GTF2I: variants seen among roughly 807,000 people sequenced by gnomAD.
GTF2I encodes the protein general transcription factor IIi.
Under a neutral mutation model 67.6 loss-of-function variants are expected in GTF2I, and 12 were observed. That is an observed-to-expected ratio of 0.18 (90% CI 0.11 to 0.29). GTF2I has a LOEUF of 0.29. GTF2I is among the 10% of genes least tolerant of loss of function. The probability of loss-of-function intolerance (pLI) is 1.00; values close to 1 mark genes in which losing one functional copy is unlikely to be tolerated. For synonymous variants in GTF2I, 149 were observed against 197.0 expected (o/e 0.76, Z 2.04); for missense variants, 271 against 580.1 (o/e 0.47, Z 5.47).
intron 1 of GTF2I, 153 bp from the exon 2 acceptor site, chr7:74,688,971 G>A (rs1435030292): frequency 1.7e-6 from 1 of 588,170 alleles, no homozygotes; most frequent in Non-Finnish European, 3.1e-6. Context: ...TGAGGGTTTG[G>A]GCAAGTCAAA....
At chr7:74,725,415 G>A (rs587757977) in intron 12 of GTF2I, among the ~76,000 whole-genome samples, 19 of 152,100 alleles carry the variant, frequency 1.2e-4, no homozygotes, top group East Asian at 3.9e-4. Flanking sequence ...AGCTGGGTGC[G>A]GTGGCTCACA....
At chr7:74,703,685 T>TTGAATATGAAGTCAATA (rs1554400480) in intron 6 of GTF2I, among the ~76,000 whole-genome samples, 2 of 152,212 alleles carry the variant, frequency 1.3e-5, no homozygotes, top group Non-Finnish European at 2.9e-5. Flanking sequence ...TGGCCCTCAC[T>TTGAATATGAAGTCAATA]TAAGCTTTTG....
chr7:74,721,684 C>T (rs1484507853), intron 12 of GTF2I, among the ~76,000 whole-genome samples: 2 of 151,970 alleles, frequency 1.3e-5, no homozygotes, highest in African/African-American at 4.8e-5. Context: ...TAATGTGTAT[C>T]ATATATTCTT....
chr7:74,713,840 A>T (rs587616853), intron 9 of GTF2I, among the ~76,000 whole-genome samples: 1 of 152,186 alleles, frequency 6.6e-6, no homozygotes, highest in Admixed American at 6.5e-5. Context: ...TCAGAAGACT[A>T]GGAAGCAGTG....
At chr7:74,723,428 C>CCTTTTTTTTTTTTT (rs1793319970) in intron 12 of GTF2I, among the ~76,000 whole-genome samples, 3 of 61,090 alleles carry the variant, frequency 4.9e-5, no homozygotes, top group African/African-American at 2.5e-4. Context: ...CTCCCGGCCT[C>CCTTTTTTTTTTTTT]TTTTTTTTTT....
chr7:74,731,747 G>A (rs1264047392), intron 14 of GTF2I, among the ~76,000 whole-genome samples: 36 of 148,970 alleles, frequency 2.4e-4, no homozygotes, highest in Admixed American at 8.0e-4. Flanking sequence ...GTTTCACCAT[G>A]TTGGCCAGGC....
chr7:74,702,270 C>T (rs1246307083), intron 6 of GTF2I, among the ~76,000 whole-genome samples: 4 of 151,364 alleles, frequency 2.6e-5, no homozygotes, highest in African/African-American at 9.7e-5. Flanking sequence ...GTTCTGTCAC[C>T]AAGTTGGAGT....
intron 3 of GTF2I, among the ~76,000 whole-genome samples, chr7:74,695,665 C>T (rs587714849): frequency 1.1e-4 from 16 of 152,124 alleles, no homozygotes; most frequent in African/African-American, 3.9e-4. Context: ...CCCCCTGTCC[C>T]TTACCCCCAT....
intron 12 of GTF2I, among the ~76,000 whole-genome samples, chr7:74,724,927 T>C (rs1419417269): frequency 3.9e-5 from 6 of 152,158 alleles, no homozygotes; most frequent in Non-Finnish European, 5.9e-5. Context: ...AGACTCCATC[T>C]CAAAAAATAA....
At chr7:74,698,795 T>C (rs1215603239) in intron 3 of GTF2I, among the ~76,000 whole-genome samples, 166 bp from the exon 4 acceptor site, 3 of 152,124 alleles carry the variant, frequency 2.0e-5, no homozygotes, top group Non-Finnish European at 4.4e-5. Context: ...GATTAATAAA[T>C]GTTAAAGAAT....
intron 12 of GTF2I, chr7:74,726,605 A>C (rs1428812618): frequency 2.6e-5 from 4 of 152,156 alleles, no homozygotes; most frequent in African/African-American, 9.7e-5. Context: ...GCACTTTGGG[A>C]GGCTGAGGCA....
chr7:74,660,597 T>TC (rs1299254433), intron 1 of GTF2I, among the ~76,000 whole-genome samples: 1 of 150,512 alleles, frequency 6.6e-6, no homozygotes, highest in African/African-American at 2.4e-5. Flanking sequence ...CTCTTTTTTT[T>TC]CCTTTTCCTT....
intron 12 of GTF2I, among the ~76,000 whole-genome samples, chr7:74,719,147 C>T (rs1296870432): frequency 6.6e-6 from 1 of 152,052 alleles, no homozygotes; most frequent in Admixed American, 6.6e-5. Context: ...TAGCATTGGC[C>T]CACGGGTGGC....
chr7:74,750,701 G>T (rs1211178534), intron 26 of GTF2I, among the ~76,000 whole-genome samples: 1 of 71,526 alleles, frequency 1.4e-5, no homozygotes, highest in Non-Finnish European at 2.6e-5. Context: ...TCCGCCTCCT[G>T]GGTTCAAGCG....
At chr7:74,702,441 T>C (rs1554400129) in intron 6 of GTF2I, among the ~76,000 whole-genome samples, 1 of 152,162 alleles carries the variant, frequency 6.6e-6, no homozygotes, top group African/African-American at 2.4e-5. Context: ...TTGGCCAGGA[T>C]GGTCTCAATC....
At chr7:74,667,035 C>T (rs192372711) in intron 1 of GTF2I, among the ~76,000 whole-genome samples, 1 of 152,128 alleles carries the variant, frequency 6.6e-6, no homozygotes, top group Non-Finnish European at 1.5e-5. Flanking sequence ...ATCCCAGACA[C>T]TCGGGAGGCT....
intron 1 of GTF2I, among the ~76,000 whole-genome samples, chr7:74,667,339 T>C (rs1234232496): frequency 1.3e-5 from 2 of 151,988 alleles, no homozygotes; most frequent in African/African-American, 2.4e-5. Flanking sequence ...CAAGACACCA[T>C]CTCAAAAAAA....
intron 9 of GTF2I, 101 bp downstream of exon 9, chr7:74,711,210 A>T (rs1300946013): frequency 5.1e-6 from 3 of 585,804 alleles, no homozygotes; most frequent in Non-Finnish European, 9.0e-6. Context: ...TATTTTATTG[A>T]TCAGTTCTTG....
intron 26 of GTF2I, among the ~76,000 whole-genome samples, chr7:74,749,795 G>C (rs2131572161): frequency 7.1e-6 from 1 of 140,898 alleles, no homozygotes; most frequent in African/African-American, 2.6e-5. Context: ...GACTGAGGCA[G>C]GAGAATCACT....
Sources: allele counts gnomAD v4.1 joint callset (sites outside exome capture counted in the v4.1 genomes callset), GRCh38; gene constraint gnomAD v4.1.1; transcripts MANE v1.5; gene names NCBI Gene and HGNC (gene_info 2026-07-23, HGNC 2026-07-21).